The following DGKD variants were observed in gnomAD, a reference collection of about 807,000 sequenced individuals.
DGKD encodes diacylglycerol kinase delta.
DGKD carries 68 observed loss-of-function variants against 154.4 expected under a neutral mutation model. The ratio of observed to expected loss-of-function variants is 0.44; its 90% CI spans 0.36 to 0.54. The LOEUF is 0.54. Ranked by LOEUF, DGKD falls within the 20% of genes least tolerant of loss-of-function variation. The pLI, the probability that DGKD is intolerant of heterozygous loss-of-function variation, is 0.00. For synonymous variants in DGKD, 693 were observed against 638.0 expected (o/e 1.09, Z -1.30); for missense variants, 1,343 against 1,593.6 (o/e 0.84, Z 2.68).
In DGKD at chr2:233,464,276, A is replaced by T. The variant is rs547811175; in HGVS notation, c.3299A>T (p.Asp1100Val). 6.2e-6 allele frequency: 10 copies of T among 1,613,520 alleles called. No homozygotes were observed. The African/African-American group carries it at 1.1e-4, about 17-fold the overall frequency. ...PWLCQSAEPG[D>V]EESVMLDLAK... ...CTCTGCCAGTCCGCAGAGCCCGGCG[A>T]CGAAGAGGTATGTGGCTCATAGGGC... The change falls in exon 27 of 30, where the codon GAC (aspartate) becomes GTC (valine). Residue 1100 changes from aspartate to valine, a missense_variant. Physicochemically the swap from Asp to Val is radical, Grantham distance 152. Transcript: ENST00000264057.
At chr2:233,423,836 C>G (rs531179021) in intron 3 of DGKD, among the ~76,000 whole-genome samples, 2 of 152,082 alleles carry the variant, frequency 1.3e-5, no homozygotes, top group African/African-American at 4.8e-5. Flanking sequence ...TCACTGTTTT[C>G]GGCTGCTGCT....
chr2:233,365,671 C>CT (rs1287635615), intron 1 of DGKD, among the ~76,000 whole-genome samples: 1 of 152,174 alleles, frequency 6.6e-6, no homozygotes, highest in Non-Finnish European at 1.5e-5. Flanking sequence ...TAACACAAGT[C>CT]TCAACAGCTT....
intron 3 of DGKD, among the ~76,000 whole-genome samples, chr2:233,406,056 CTG>C (rs143688888): frequency 0.01 from 1,554 of 152,320 alleles, 32 homozygotes; most frequent in African/African-American, 0.035. Context: ...AGGAGAGACT[CTG>C]TGACTTGCTT....
intron 10 of DGKD, among the ~76,000 whole-genome samples, chr2:233,443,866 C>G (rs1419766968): frequency 6.6e-6 from 1 of 152,214 alleles, no homozygotes; most frequent in Non-Finnish European, 1.5e-5. Context: ...ACATTTCTCT[C>G]CCCTGCGTCT....
At chr2:233,396,091 G>A (rs1704008002) in intron 3 of DGKD, among the ~76,000 whole-genome samples, 1 of 152,186 alleles carries the variant, frequency 6.6e-6, no homozygotes, top group South Asian at 2.1e-4. Flanking sequence ...AGTGAGCTCC[G>A]AGAACATAGT....
intron 1 of DGKD, among the ~76,000 whole-genome samples, chr2:233,357,435 C>T (rs547247113): frequency 6.6e-6 from 1 of 152,200 alleles, no homozygotes; most frequent in African/African-American, 2.4e-5. Context: ...TTTTAATGTG[C>T]AGACACATCT....
At chr2:233,461,068 C>T (rs531942767) in intron 24 of DGKD, among the ~76,000 whole-genome samples, 1 of 152,088 alleles carries the variant, frequency 6.6e-6, no homozygotes, top group South Asian at 2.1e-4. Context: ...TCTCACCTGC[C>T]TTCTAGAAAC....
At chr2:233,360,199 A>G (rs1701714960) in intron 1 of DGKD, among the ~76,000 whole-genome samples, 1 of 152,184 alleles carries the variant, frequency 6.6e-6, no homozygotes, top group African/African-American at 2.4e-5. Context: ...TCTCTACCAA[A>G]TTTGGTCCAC....
rs367589388 is a variant in DGKD, at chr2:233,446,684, G to A, written c.1335-28G>A. 3.0e-5 allele frequency: 49 copies of A among 1,609,422 alleles called. No homozygotes were observed. In the African/African-American group the frequency reaches 4.3e-4, roughly 14 times the overall value. On this transcript the variant is annotated intron_variant, in intron 11 of 29. Transcript: ENST00000264057. ...CCCTTGTGGGCCTGCACGTCTTGCC[G>A]CCTGTGCAGCTGACCTTGTGTGTGC...
chr2:233,464,064 A>G (rs2063751553), intron 26 of DGKD, 100 bp from the exon 27 acceptor site: 2 of 1,520,354 alleles, frequency 1.3e-6, no homozygotes, highest in Middle Eastern at 1.8e-4. Context: ...CCCTGATCAG[A>G]GCAGAGCAGA....
At chr2:233,444,749 C>T (rs2063008883) in intron 10 of DGKD, among the ~76,000 whole-genome samples, 1 of 150,758 alleles carries the variant, frequency 6.6e-6, no homozygotes. Flanking sequence ...GTTTGCTGTC[C>T]CCACAGGCGG....
chr2:233,420,617 A>G (rs1575084342), intron 3 of DGKD, among the ~76,000 whole-genome samples: 1 of 152,228 alleles, frequency 6.6e-6, no homozygotes, highest in Admixed American at 6.5e-5. Flanking sequence ...ATCAGACTGG[A>G]CAGCCACAGC....
intron 3 of DGKD, among the ~76,000 whole-genome samples, chr2:233,410,026 C>T (rs1382907815): frequency 2.0e-5 from 3 of 151,968 alleles, no homozygotes; most frequent in Non-Finnish European, 4.4e-5. Flanking sequence ...GATATGATCT[C>T]ACCATGTTGT....
rs1015487805 is a variant in DGKD, at chr2:233,429,899, C to G, written c.349-4481C>G. Reference sequence around the variant, plus strand: ...CGAACCATGCAGTGGCGACCCAGTTCCATTTATCCCCTCTGCGGTGAAACT... The same window carrying G: ...CGAACCATGCAGTGGCGACCCAGTTGCATTTATCCCCTCTGCGGTGAAACT... On this transcript the variant is annotated intron_variant, in intron 3 of 29. Coordinates refer to ENST00000264057, the MANE Select transcript of DGKD (RefSeq NM_152879.3). 2.8e-4 allele frequency among the ~76,000 whole-genome samples: 43 copies of G among 152,232 alleles called. 1 individual carries two copies. The highest frequency in any genetic ancestry group is 5.9e-4 in the Admixed American group (9 of 15,288).
intron 10 of DGKD, among the ~76,000 whole-genome samples, chr2:233,443,374 G>A (rs946966942): frequency 6.6e-6 from 1 of 151,930 alleles, no homozygotes; most frequent in South Asian, 2.1e-4. Context: ...AAATGGGTGT[G>A]TGAGGATTAT....
intron 19 of DGKD, among the ~76,000 whole-genome samples, chr2:233,456,140 A>G (rs2063453488): frequency 6.6e-6 from 1 of 152,246 alleles, no homozygotes. Flanking sequence ...TTCCACTTGT[A>G]CAAATGTCAT....
At position 233,354,935 on chromosome 2, in the gene DGKD, C is replaced by T. The variant is rs1344874321; in HGVS notation, c.156+261C>T. On this transcript the variant is annotated intron_variant, in intron 1 of 29. Coordinates refer to ENST00000264057, the MANE Select transcript of DGKD (RefSeq NM_152879.3). This position sits in a 1 kb window ranked among gnomAD's most constrained non-coding sequence, Gnocchi z 4.8. ...AGGTGGGCGCCCCGGGCGCCGCGCG[C>T]TGGGCGGGGGGCGCGCGCCGAGTTG... Among the ~76,000 whole-genome samples the T allele has an allele frequency of 6.8e-6, 1 of 146,980 alleles. No homozygotes were observed. The highest frequency in any genetic ancestry group is 2.5e-5 in the African/African-American group (1 of 40,538).
At chr2:233,460,169 T>A in intron 23 of DGKD, 25 bp from the exon 24 acceptor site, 1 of 1,610,842 alleles carries the variant, frequency 6.2e-7, no homozygotes, top group Non-Finnish European at 8.5e-7. Context: ...GAGCAGCAGG[T>A]GTAATTGGGC....
At chr2:233,362,045 G>A (rs535427212) in intron 1 of DGKD, among the ~76,000 whole-genome samples, 1 of 152,092 alleles carries the variant, frequency 6.6e-6, no homozygotes, top group South Asian at 2.1e-4. Context: ...TGATCTGCCC[G>A]CCTCGGCCTC....
Sources: allele counts gnomAD v4.1 joint callset (sites outside exome capture counted in the v4.1 genomes callset), GRCh38; gene constraint gnomAD v4.1.1; non-coding constraint Gnocchi (gnomAD v3.1); transcripts MANE v1.5; gene names NCBI Gene and HGNC (gene_info 2026-07-23, HGNC 2026-07-21).